CLDN18: variants seen among roughly 807,000 people sequenced by gnomAD.
The protein encoded by CLDN18 is claudin 18.
A neutral mutation model predicts 25.0 loss-of-function variants in CLDN18; 20 were observed. The observed-to-expected ratio is 0.80, with a 90% CI of 0.56 to 1.16. CLDN18 has a LOEUF of 1.16. Ranked by LOEUF, CLDN18 falls within the 50% of genes most tolerant of loss-of-function variation. The pLI is 0.00. For synonymous variants in CLDN18, 125 were observed against 135.6 expected (o/e 0.92, Z 0.54); for missense variants, 297 against 345.4 (o/e 0.86, Z 1.11).
At chr3:138,004,347 G>C (rs924705596) in intron 1 of CLDN18, among the ~76,000 whole-genome samples, 8 of 152,084 alleles carry the variant, frequency 5.3e-5, no homozygotes, top group Non-Finnish European at 1.0e-4. Context: ...GCGTTCTTCA[G>C]AGCCTCAGCT....
At position 138,013,105 on chromosome 3, in the gene CLDN18, C is replaced by T. The variant is rs1484323018; in HGVS notation, c.220+2660C>T. On this transcript the variant is annotated intron_variant, in intron 1 of 4. Coordinates refer to ENST00000183605, the MANE Select transcript of CLDN18 (RefSeq NM_016369.4). ...ATAAACTAAGTTGAATTAAATAGTA[C>T]GAATAGTTCATTTTAAGTGTTTATG... is the stretch of plus-strand genomic sequence containing the variant. Among the ~76,000 whole-genome samples the T allele has an allele frequency of 2.0e-5, 3 of 152,096 alleles. 1 individual carries two copies. Among genetic ancestry groups the T allele is most frequent in the African/African-American group, 4.8e-5 (2 of 41,406 alleles).
upstream of CLDN18, among the ~76,000 whole-genome samples, chr3:138,008,488 A>T (rs1024187646): frequency 6.6e-6 from 1 of 152,108 alleles, no homozygotes; most frequent in Non-Finnish European, 1.5e-5. Flanking sequence ...CTGTAATCTC[A>T]GCTAGTCAGG....
intron 3 of CLDN18, among the ~76,000 whole-genome samples, chr3:138,026,374 G>A (rs552990845): frequency 6.6e-5 from 10 of 152,340 alleles, no homozygotes; most frequent in East Asian, 5.8e-4. Context: ...TAGGCTGGGC[G>A]CGGTGGCTCA....
At chr3:138,007,351 T>C (rs1001653005), upstream of CLDN18, among the ~76,000 whole-genome samples, 1 of 152,170 alleles carries the variant, frequency 6.6e-6, no homozygotes, top group African/African-American at 2.4e-5. Context: ...CACCATAGAA[T>C]ACTATGCAGC....
intron 1 of CLDN18, among the ~76,000 whole-genome samples, chr3:138,001,092 T>G (rs992176939): frequency 6.6e-6 from 1 of 152,270 alleles, no homozygotes; most frequent in Non-Finnish European, 1.5e-5. Context: ...GGTACTACAA[T>G]TATCATTTTT....
chr3:138,011,090 A>C (rs1222754071), intron 1 of CLDN18, among the ~76,000 whole-genome samples: 1 of 152,166 alleles, frequency 6.6e-6, no homozygotes, highest in Non-Finnish European at 1.5e-5. Flanking sequence ...TTCACCCCTA[A>C]AGATGAAATA....
intron 1 of CLDN18, among the ~76,000 whole-genome samples, chr3:138,013,099 A>G (rs1249888530): frequency 6.6e-6 from 1 of 152,266 alleles, no homozygotes; most frequent in Non-Finnish European, 1.5e-5. Context: ...GTTGAATTAA[A>G]TAGTACGAAT....
Position 138,010,401 on chromosome 3 carries a change from G to A in CLDN18, c.176G>A (p.Gly59Asp), listed in dbSNP as rs1487242183. The change falls in exon 1 of 5, where the codon GGC (glycine) becomes GAC (aspartate). Residue 59 changes from glycine to aspartate, a missense_variant. Gly to Asp is a moderately conservative substitution (Grantham distance 94). Coordinates refer to ENST00000183605, the MANE Select transcript of CLDN18 (RefSeq NM_016369.4). The stretch of plus-strand genomic sequence containing the variant: ...AGGAGCTGCGTGAGGCAGAGTTCAG[G>A]CTTCACCGAATGCAGGCCCTATTTC... ...LWRSCVRQSSGFTECRPYFTI... is the reference protein window; with the variant it reads ...LWRSCVRQSSDFTECRPYFTI... The A allele has an allele frequency of 5.0e-6, 8 of 1,614,086 alleles. No homozygotes were observed. Among genetic ancestry groups the A allele is most frequent in the Admixed American group, 1.7e-5 (1 of 60,006 alleles).
At chr3:138,028,359 C>A (rs1942351623) in intron 3 of CLDN18, among the ~76,000 whole-genome samples, 1 of 152,168 alleles carries the variant, frequency 6.6e-6, no homozygotes, top group African/African-American at 2.4e-5. Flanking sequence ...GCCACCACAC[C>A]CAGCCAATGT....
At chr3:138,007,699 A>T (rs868817993), upstream of CLDN18, among the ~76,000 whole-genome samples, 8 of 152,286 alleles carry the variant, frequency 5.3e-5, no homozygotes, top group South Asian at 6.2e-4. Flanking sequence ...ATAAATTTTT[A>T]AAATGAGGAT....
chr3:138,031,898 A>C lies in CLDN18; in HGVS notation c.*757A>C, dbSNP rs186923182. 1.2e-3 allele frequency: 188 copies of C among 152,334 alleles called. 1 individual carries two copies. The highest frequency in any genetic ancestry group is 4.4e-3 in the African/African-American group (183 of 41,570). The allele number at this position is 152,334 out of a possible 1,614,324, so 9.4% of individuals were successfully genotyped here. ...TTTAATTTAAGTCCTAAATATAGTT[A>C]AAATAAATAATGTTTTAGTAAAATG... On this transcript the variant is annotated 3_prime_UTR_variant, in exon 5 of 5. Coordinates refer to ENST00000183605, the MANE Select transcript of CLDN18 (RefSeq NM_016369.4).
At chr3:138,000,594 G>C (rs1942005891) in intron 1 of CLDN18, among the ~76,000 whole-genome samples, 1 of 152,210 alleles carries the variant, frequency 6.6e-6, no homozygotes, top group South Asian at 2.1e-4. Context: ...AATCTGGCAA[G>C]AAGATGCTAA....
upstream of CLDN18, among the ~76,000 whole-genome samples, chr3:138,006,593 A>G (rs1942071916): frequency 6.6e-6 from 1 of 152,238 alleles, no homozygotes. Flanking sequence ...ATGTTTCAAT[A>G]AAGCCTATTG....
intron 1 of CLDN18, among the ~76,000 whole-genome samples, chr3:138,018,788 C>A (rs948278430): frequency 1.3e-5 from 2 of 152,202 alleles, no homozygotes; most frequent in African/African-American, 4.8e-5. Context: ...AGAGGAAGGT[C>A]AATGAGGATA....
In CLDN18 at chr3:138,030,902, T is replaced by A. The variant is rs1175671049; in HGVS notation, c.615-68T>A. 13 of 1,404,400 alleles carry A rather than the reference T, an allele frequency of 9.3e-6. No homozygotes were observed. The Admixed American group carries it at 1.5e-4, about 16-fold the overall frequency. 87.0% of individuals were successfully genotyped at this position (1,404,400 alleles called of 1,614,324 possible). On this transcript the variant is annotated intron_variant, in intron 4 of 4. Transcript: ENST00000183605. ...TCAGTGCCAAGACTGAGACAGTTTATGGTAAATAGGAGGTTGGTCCTACTA... is the reference window on the plus strand; with the variant it reads ...TCAGTGCCAAGACTGAGACAGTTTAAGGTAAATAGGAGGTTGGTCCTACTA...
exon 1 of CLDN18, chr3:137,998,865 C>T (rs747149453): frequency 6.2e-7 from 1 of 1,614,140 alleles, no homozygotes; most frequent in Non-Finnish European, 8.5e-7. Flanking sequence ...CACTGTGCGC[C>T]ACCATGGCCG....
upstream of CLDN18, among the ~76,000 whole-genome samples, chr3:138,007,676 T>C (rs531893106): frequency 3.6e-5 from 5 of 140,382 alleles, no homozygotes; most frequent in East Asian, 6.3e-4. Flanking sequence ...GTAAAATAAA[T>C]TTTTTAAATG....
intron 1 of CLDN18, among the ~76,000 whole-genome samples, chr3:138,010,948 A>C (rs1468985809): frequency 6.6e-6 from 1 of 152,144 alleles, no homozygotes; most frequent in African/African-American, 2.4e-5. Context: ...TAAATTATAA[A>C]TATCCTTTTG....
intron 1 of CLDN18, among the ~76,000 whole-genome samples, chr3:138,001,379 CT>C (rs149993251): frequency 5.2e-4 from 74 of 141,156 alleles, no homozygotes; most frequent in African/African-American, 1.2e-3. Context: ...TCCCCCCATT[CT>C]TTTTTTTTTT....
Sources: gnomAD v4.1 joint callset for allele counts (sites outside exome capture counted in the v4.1 genomes callset) on GRCh38, gnomAD v4.1.1 for gene constraint, MANE v1.5 for transcripts, NCBI Gene and HGNC (gene_info 2026-07-23, HGNC 2026-07-21) for gene names.